Variants in NUP210 observed in about 807,000 individuals in gnomAD.
NUP210 encodes the protein nuclear pore membrane glycoprotein 210.
In NUP210, 151 loss-of-function variants were observed where a neutral mutation model predicts 196.0. The ratio of observed to expected loss-of-function variants is 0.77; its 90% CI spans 0.67 to 0.88. The LOEUF is 0.88. Ranked by LOEUF, NUP210 falls within the 40% of genes least tolerant of loss-of-function variation. The pLI, the probability that NUP210 is intolerant of heterozygous loss-of-function variation, is 0.00. For synonymous variants in NUP210, 1,070 were observed against 1,052.7 expected (o/e 1.02, Z -0.32); for missense variants, 2,314 against 2,493.7 (o/e 0.93, Z 1.53).
intron 1 of NUP210, among the ~76,000 whole-genome samples, chr3:13,417,996 TC>T (rs1430745289): frequency 2.6e-5 from 4 of 152,286 alleles, no homozygotes; most frequent in African/African-American, 9.6e-5. Flanking sequence ...CACAAATATA[TC>T]CAAAGGGATT....
rs1576333465 is a variant in NUP210, at chr3:13,317,755, G to A, written c.5590C>T (p.Pro1864Ser). Residue 1864 changes from proline to serine, a missense_variant, in exon 40 of 40, where the codon CCC becomes TCC. Pro to Ser is a moderately conservative substitution (Grantham distance 74, BLOSUM62 -1). Coordinates refer to ENST00000254508, the MANE Select transcript of NUP210 (RefSeq NM_024923.4). ...HYFAASSPTS[P>S]NALPPARKAS... Reference sequence around the variant, plus strand: ...TTGCGAGCAGGAGGCAATGCATTGGGAGATGTGGGTGATGAGGCAGCGAAA... The same window carrying A: ...TTGCGAGCAGGAGGCAATGCATTGGAAGATGTGGGTGATGAGGCAGCGAAA... The A allele has an allele frequency of 6.2e-7, 1 of 1,611,584 alleles. No individual in the cohort carries two copies. The highest frequency in any genetic ancestry group is 8.5e-7 in the Non-Finnish European group (1 of 1,179,040).
At chr3:13,361,334 G>A (rs1698362271) in intron 14 of NUP210, among the ~76,000 whole-genome samples, 1 of 152,224 alleles carries the variant, frequency 6.6e-6, no homozygotes, top group African/African-American at 2.4e-5. Context: ...AACAAAGGAA[G>A]AATTAAAGTA....
At chr3:13,375,245 T>C (rs1166368573) in intron 11 of NUP210, among the ~76,000 whole-genome samples, 1 of 151,168 alleles carries the variant, frequency 6.6e-6, no homozygotes, top group Admixed American at 6.6e-5. Flanking sequence ...CACTTCAGCC[T>C]CCGAAAGTGC....
chr3:13,359,880 C>T (rs1698311474), intron 15 of NUP210, among the ~76,000 whole-genome samples: 1 of 152,230 alleles, frequency 6.6e-6, no homozygotes, highest in South Asian at 2.1e-4. Flanking sequence ...TCCAGGTTAT[C>T]CTCAAGAACC....
chr3:13,334,214 G>A (rs1697116493), intron 28 of NUP210, among the ~76,000 whole-genome samples: 1 of 152,200 alleles, frequency 6.6e-6, no homozygotes, highest in Admixed American at 6.5e-5. Flanking sequence ...GTCAGATAGG[G>A]AAACAGAGGC....
intron 1 of NUP210, among the ~76,000 whole-genome samples, chr3:13,408,547 T>G (rs764067496): frequency 1.3e-5 from 2 of 152,178 alleles, no homozygotes; most frequent in Admixed American, 1.3e-4. Flanking sequence ...CCCAGCACTT[T>G]GGGATGCCAA....
intron 1 of NUP210, among the ~76,000 whole-genome samples, chr3:13,401,259 CAA>C (rs71066952): frequency 5.5e-4 from 24 of 43,826 alleles, no homozygotes; most frequent in East Asian, 5.3e-3. Context: ...GACTCTGGCT[CAA>C]AAAAAAAAAA....
Position 13,347,414 on chromosome 3 carries a change from C to T in NUP210, c.2836-4111G>A. On this transcript the variant is annotated intron_variant, in intron 20 of 39. Coordinates refer to ENST00000254508, the MANE Select transcript of NUP210 (RefSeq NM_024923.4). This position sits in a 1 kb window ranked among gnomAD's most constrained non-coding sequence, Gnocchi z 4.7. ...TCGTTGAAAAGAAGGAAAACTTAGG[C>T]TTAAATCGGATAAACACTCCTATGT... 4 of 839,602 alleles carry T rather than the reference C, an allele frequency of 4.8e-6. No homozygotes were observed. Among genetic ancestry groups the T allele is most frequent in the Non-Finnish European group, 5.7e-6 (4 of 697,080 alleles). The allele number at this position is 839,602 out of a possible 1,614,324, so 52.0% of individuals were successfully genotyped here. A position where few individuals can be genotyped will look rare whatever the true frequency, so the allele number is the denominator to read the frequency against.
intron 3 of NUP210, among the ~76,000 whole-genome samples, chr3:13,395,798 T>C (rs1472018804): frequency 6.6e-6 from 1 of 152,174 alleles, no homozygotes; most frequent in African/African-American, 2.4e-5. Flanking sequence ...AGGAGTGGAA[T>C]TGCCGGGGCA....
At chr3:13,343,339 T>TTGGG in intron 20 of NUP210, 36 bp from the exon 21 acceptor site, 1 of 282,522 alleles carries the variant, frequency 3.5e-6, no homozygotes, top group East Asian at 8.4e-5. Flanking sequence ...GGGTGGGTGG[T>TTGGG]GGGTTACGCA....
At chr3:13,394,594 G>A (rs1179144007) in intron 3 of NUP210, among the ~76,000 whole-genome samples, 2 of 152,232 alleles carry the variant, frequency 1.3e-5, no homozygotes, top group African/African-American at 4.8e-5. Context: ...CATGAGCTGT[G>A]TGACCATGGG....
chr3:13,343,327 A>AGGGGGGGGGGG, intron 20 of NUP210, 24 bp from the exon 21 acceptor site: 5 of 183,878 alleles, frequency 2.7e-5, no homozygotes, highest in Non-Finnish European at 4.3e-5. Flanking sequence ...GCGGAGGTGG[A>AGGGGGGGGGGG]GGGGTGGGTG....
At chr3:13,397,225 G>T in intron 3 of NUP210, 132 bp downstream of exon 3, 2 of 1,112,338 alleles carry the variant, frequency 1.8e-6, no homozygotes, top group Non-Finnish European at 2.5e-6. Context: ...TCACCTGCCT[G>T]ACCAGAGCTG....
In NUP210 at chr3:13,348,503, A is replaced by C. The variant is rs1697839904; in HGVS notation, c.2835+3376T>G. On this transcript the variant is annotated intron_variant, in intron 20 of 39. Transcript: ENST00000254508. This position sits in a 1 kb window ranked among gnomAD's most constrained non-coding sequence, Gnocchi z 4.0. Reference sequence around the variant, plus strand: ...ACTCCCCTCTTCTTGGTAATGGGGAAGTTTTTATTAATTTCCAAAAATAAA... The same window carrying C: ...ACTCCCCTCTTCTTGGTAATGGGGACGTTTTTATTAATTTCCAAAAATAAA... The C allele has an allele frequency of 1.0e-6, 1 of 985,330 alleles. No homozygotes were observed. Among genetic ancestry groups the C allele is most frequent in the African/African-American group, 1.7e-5 (1 of 57,252 alleles). The allele number at this position is 985,330 out of a possible 1,614,324, so 61.0% of individuals were successfully genotyped here.
At chr3:13,343,801 G>A (rs1006120327) in intron 20 of NUP210, among the ~76,000 whole-genome samples, 2 of 152,172 alleles carry the variant, frequency 1.3e-5, no homozygotes, top group African/African-American at 4.8e-5. Context: ...GGCAGAAAAC[G>A]AGGCAGATGC....
chr3:13,353,176 C>A (rs1368631164), intron 18 of NUP210, among the ~76,000 whole-genome samples: 1 of 152,116 alleles, frequency 6.6e-6, no homozygotes, highest in East Asian at 1.9e-4. Context: ...CCCAAGAGGA[C>A]AATAGAAGTG....
Position 13,379,475 on chromosome 3 carries a change from C to G in NUP210, c.976+88G>C. 1 of 1,531,554 alleles carries G rather than the reference C, an allele frequency of 6.5e-7. No individual in the cohort carries two copies. The highest frequency in any genetic ancestry group is 9.0e-7 in the Non-Finnish European group (1 of 1,111,844). The allele number at this position is 1,531,554 out of a possible 1,614,324, so 94.9% of individuals were successfully genotyped here. The stretch of plus-strand genomic sequence containing the variant: ...TTGAGGGGAAACGGCTATTTTTAGC[C>G]CTGCCGAGCTTTCAGGGAAAAAAAG... On this transcript the variant is annotated intron_variant, in intron 7 of 39. Coordinates refer to ENST00000254508, the MANE Select transcript of NUP210 (RefSeq NM_024923.4). The surrounding 1 kb of genome is among the most constrained non-coding windows in gnomAD (Gnocchi z 4.2).
intron 20 of NUP210, chr3:13,345,171 G>C: frequency 1.1e-5 from 11 of 985,450 alleles, no homozygotes; most frequent in Non-Finnish European, 1.3e-5. Flanking sequence ...GGAACCTGGT[G>C]CTCCAGCCTG....
Position 13,347,184 on chromosome 3 carries a change from C to T in NUP210, c.2836-3881G>A, listed in dbSNP as rs1016822378. The T allele has an allele frequency of 3.3e-5, 33 of 985,314 alleles. No homozygotes were observed. The African/African-American group carries it at 5.4e-4, about 16-fold the overall frequency. The allele number at this position is 985,314 out of a possible 1,614,324, so 61.0% of individuals were successfully genotyped here. A position where few individuals can be genotyped will look rare whatever the true frequency, so the allele number is the denominator to read the frequency against. On this transcript the variant is annotated intron_variant, in intron 20 of 39. Transcript: ENST00000254508. This position sits in a 1 kb window ranked among gnomAD's most constrained non-coding sequence, Gnocchi z 4.7. The stretch of plus-strand genomic sequence containing the variant: ...ATAGGACCCAGGAGATGGAGAGACA[C>T]AGCTGCGGCTCACAGGAGCTGGGCC...
Sources: allele counts gnomAD v4.1 joint callset (sites outside exome capture counted in the v4.1 genomes callset), GRCh38; gene constraint gnomAD v4.1.1; non-coding constraint Gnocchi (gnomAD v3.1); transcripts MANE v1.5; gene names NCBI Gene and HGNC (gene_info 2026-07-23, HGNC 2026-07-21).